The following EHHADH variants were observed in gnomAD, a reference collection of about 807,000 sequenced individuals.
EHHADH encodes the protein peroxisomal bifunctional enzyme.
EHHADH carries 48 observed loss-of-function variants against 64.4 expected under a neutral mutation model. That is an observed-to-expected ratio of 0.75 (90% confidence interval 0.59 to 0.95). The LOEUF (loss-of-function observed/expected upper bound fraction) is 0.95. EHHADH is among the 40% of genes least tolerant of loss of function. The pLI is 0.00. For missense variants in EHHADH, 854 were observed against 876.6 expected, an observed-to-expected ratio of 0.97 and a Z score of 0.33; for synonymous variants, 308 against 326.7, an observed-to-expected ratio of 0.94 and a Z score of 0.62.
chr3:185,253,736 G>A, intron 1 of EHHADH: 1 of 1,131,118 alleles, frequency 8.8e-7, no homozygotes, highest in East Asian at 2.9e-5. Context: ...AGTTCCCTGC[G>A]AAGATTAACC....
At chr3:185,215,808 C>G (rs1168690793) in intron 5 of EHHADH, among the ~76,000 whole-genome samples, 2 of 152,112 alleles carry the variant, frequency 1.3e-5, no homozygotes, top group East Asian at 3.8e-4. Flanking sequence ...TTCATTTTTG[C>G]TTATTTCCTT....
At chr3:185,253,097 GCTTAGT>G (rs1326767333) in intron 1 of EHHADH, 1 of 153,646 alleles carries the variant, frequency 6.5e-6, no homozygotes, top group Non-Finnish European at 1.5e-5. Context: ...TATTGCATAG[GCTTAGT>G]CTGATGTGAG....
Position 185,216,885 on chromosome 3 carries a change from A to G in EHHADH, c.568+1251T>C, listed in dbSNP as rs565568850. Among the ~76,000 whole-genome samples, 4 of 152,258 alleles carry G rather than the reference A, an allele frequency of 2.6e-5. No individual in the cohort carries two copies. In the South Asian group the frequency reaches 8.3e-4, roughly 32 times the overall value. On this transcript the variant is annotated intron_variant, in intron 5 of 6. Transcript: ENST00000231887. The surrounding 1 kb of genome is among the most constrained non-coding windows in gnomAD (Gnocchi z 5.3). ...CCATCTTGCTCATTTAAAGATGACAACATCCATAGACTGAAAAGAAACTGT... is the reference window on the plus strand; with the variant it reads ...CCATCTTGCTCATTTAAAGATGACAGCATCCATAGACTGAAAAGAAACTGT...
rs761991088 is a variant in EHHADH at position 185,254,043 on chromosome 3, C to T, written c.-21G>A. 14 of 1,611,502 alleles carry T rather than the reference C, an allele frequency of 8.7e-6. No individual in the cohort carries two copies. The highest frequency in any genetic ancestry group is 2.7e-5 in the African/African-American group (2 of 74,978). The stretch of plus-strand genomic sequence containing the variant: ...GCCATGTTTCCTCTATCACCGAGGG[C>T]ACCTCTGCCTCTCGCCGTCAGGCAA... On this transcript the variant is annotated 5_prime_UTR_variant, in exon 1 of 7. Transcript: ENST00000231887.
chr3:185,229,227 G>A (rs1362507506), intron 4 of EHHADH, among the ~76,000 whole-genome samples: 2 of 152,160 alleles, frequency 1.3e-5, no homozygotes, highest in Non-Finnish European at 2.9e-5. Flanking sequence ...CATTTAAAAG[G>A]CTCTCACATT....
intron 6 of EHHADH, among the ~76,000 whole-genome samples, chr3:185,196,501 G>A (rs936395733): frequency 5.9e-5 from 9 of 152,050 alleles, no homozygotes; most frequent in Admixed American, 1.3e-4. Context: ...TTAGCTGGAC[G>A]TGGTGGTGCA....
chr3:185,218,157 T>G lies in EHHADH; in HGVS notation c.547A>C (p.Arg183=). The G allele has an allele frequency of 6.2e-7, 1 of 1,607,012 alleles. No homozygotes were observed. The highest frequency in any genetic ancestry group is 8.5e-7 in the Non-Finnish European group (1 of 1,177,030). The stretch of plus-strand genomic sequence containing the variant: ...TTACCTGAAACTCTCTGAGCAAATC[T>G]GATTGCTTCTTCAACCGGGTCTGAG... ...VNSDPVEEAI[R]FAQRVSDQPL... is the part of the protein sequence containing the mutation. Residue 183 remains arginine (R), a synonymous_variant, in exon 5 of 7, where the codon AGA becomes CGA. Coordinates refer to ENST00000231887, the MANE Select transcript of EHHADH (RefSeq NM_001966.4).
intron 6 of EHHADH, among the ~76,000 whole-genome samples, chr3:185,199,006 A>G (rs1252954264): frequency 6.6e-6 from 1 of 152,230 alleles, no homozygotes; most frequent in Admixed American, 6.5e-5. Flanking sequence ...AATTCACAAT[A>G]TCCATTCCAT....
chr3:185,228,422 A>C (rs1033262718), intron 4 of EHHADH, among the ~76,000 whole-genome samples: 14 of 151,704 alleles, frequency 9.2e-5, no homozygotes, highest in Middle Eastern at 3.4e-3. Flanking sequence ...TCACACCTGT[A>C]ATCCCAGCAC....
chr3:185,221,543 T>A (rs1443150879), intron 4 of EHHADH, among the ~76,000 whole-genome samples: 1 of 151,920 alleles, frequency 6.6e-6, no homozygotes, highest in African/African-American at 2.4e-5. Context: ...AAAAATCCAT[T>A]TTTAATGCAT....
intron 2 of EHHADH, chr3:185,246,255 T>C: frequency 3.4e-6 from 3 of 870,328 alleles, no homozygotes; most frequent in Non-Finnish European, 5.5e-6. Flanking sequence ...AGAAGCATCG[T>C]TTTTCCTACT....
chr3:185,192,576 G>C lies in EHHADH; in HGVS notation c.1822C>G (p.His608Asp). ...KFLSRYRKTHHIEPRTISQDE... is the reference protein window; with the variant it reads ...KFLSRYRKTHDIEPRTISQDE... ...TGGCTAATGGTACGTGGTTCAATGTGATGGGTTTTTCTATACCGTGATAGG... is the reference window on the plus strand; with the variant it reads ...TGGCTAATGGTACGTGGTTCAATGTCATGGGTTTTTCTATACCGTGATAGG... Residue 608 changes from histidine to aspartate, a missense_variant, in exon 7 of 7, where the codon CAC becomes GAC. Coordinates refer to ENST00000231887, the MANE Select transcript of EHHADH (RefSeq NM_001966.4). 6.2e-7 allele frequency: 1 copy of C among 1,614,168 alleles called. No homozygotes were observed. Among genetic ancestry groups the C allele is most frequent in the Non-Finnish European group, 8.5e-7 (1 of 1,180,042 alleles).
At chr3:185,204,957 T>C (rs989107050) in intron 5 of EHHADH, among the ~76,000 whole-genome samples, 200 bp from the exon 6 acceptor site, 1 of 152,200 alleles carries the variant, frequency 6.6e-6, no homozygotes, top group Non-Finnish European at 1.5e-5. Context: ...TAGAATTTAG[T>C]AGACTCAAAG....
intron 4 of EHHADH, among the ~76,000 whole-genome samples, chr3:185,226,168 G>C (rs1418609860): frequency 6.6e-6 from 1 of 152,172 alleles, no homozygotes; most frequent in South Asian, 2.1e-4. Flanking sequence ...GGAGAGTTTA[G>C]AAAAGATGGC....
At chr3:185,210,496 T>C (rs1329698211) in intron 5 of EHHADH, among the ~76,000 whole-genome samples, 2 of 151,810 alleles carry the variant, frequency 1.3e-5, no homozygotes, top group African/African-American at 2.4e-5. Context: ...TAGCCAGGCG[T>C]GGTGGGTGCC....
intron 2 of EHHADH, among the ~76,000 whole-genome samples, chr3:185,238,217 C>T (rs1366146114): frequency 1.3e-5 from 2 of 152,114 alleles, no homozygotes; most frequent in Non-Finnish European, 2.9e-5. Context: ...CTGTGATAAA[C>T]ATATGAGTAC....
intron 4 of EHHADH, among the ~76,000 whole-genome samples, chr3:185,224,598 G>GTATTTGTATT (rs1718924871): frequency 6.6e-6 from 1 of 151,402 alleles, no homozygotes; most frequent in Non-Finnish European, 1.5e-5. Flanking sequence ...TGTATTAGTA[G>GTATTTGTATT]TGTATTACTG....
At chr3:185,253,012 G>A (rs1719789705) in intron 1 of EHHADH, among the ~76,000 whole-genome samples, 1 of 151,854 alleles carries the variant, frequency 6.6e-6, no homozygotes, top group African/African-American at 2.4e-5. Context: ...ACTTTTTAAT[G>A]TTTAAAGTGC....
At chr3:185,194,800 C>CCAAAAAAAAA (rs1718012745) in intron 6 of EHHADH, among the ~76,000 whole-genome samples, 3 of 29,302 alleles carry the variant, frequency 1.0e-4, no homozygotes, top group Admixed American at 7.5e-4. Context: ...GACCCTGTCT[C>CCAAAAAAAAA]AAAAAAAAAA....
Sources: allele counts gnomAD v4.1 joint callset (sites outside exome capture counted in the v4.1 genomes callset), GRCh38; gene constraint gnomAD v4.1.1; non-coding constraint Gnocchi (gnomAD v3.1); transcripts MANE v1.5; gene names NCBI Gene and HGNC (gene_info 2026-07-23, HGNC 2026-07-21).